OCA2: variants seen among roughly 807,000 people sequenced by gnomAD.
OCA2 encodes the protein OCA2 melanosomal transmembrane protein.
Under a neutral mutation model 100.2 loss-of-function variants are expected in OCA2, and 77 were observed. The observed-to-expected ratio is 0.77, with a 90% CI of 0.64 to 0.93. The LOEUF (loss-of-function observed/expected upper bound fraction) is 0.93. OCA2 is among the 40% of genes least tolerant of loss of function. The pLI, the probability that OCA2 is intolerant of heterozygous loss-of-function variation, is 0.00. For synonymous variants in OCA2, 432 were observed against 439.2 expected (o/e 0.98, Z 0.21); for missense variants, 1,062 against 1,089.1 (o/e 0.98, Z 0.35).
chr15:27,815,662 A>C (rs1400345665), intron 23 of OCA2, among the ~76,000 whole-genome samples: 1 of 152,232 alleles, frequency 6.6e-6, no homozygotes, highest in African/African-American at 2.4e-5. Flanking sequence ...CGCGTGAAAT[A>C]AACAATGACC....
At chr15:27,871,776 CT>C in intron 20 of OCA2, 86 bp downstream of exon 20, 1 of 976,910 alleles carries the variant, frequency 1.0e-6, no homozygotes. Context: ...GGGACCTGTT[CT>C]TACCAGAGTG....
intron 21 of OCA2, among the ~76,000 whole-genome samples, chr15:27,869,930 A>G (rs1036377812): frequency 1.3e-5 from 2 of 152,222 alleles, no homozygotes; most frequent in African/African-American, 4.8e-5. Flanking sequence ...GAGTTCTCCA[A>G]TTTGGAACTT....
At chr15:27,796,541 T>C (rs1414716289) in intron 23 of OCA2, among the ~76,000 whole-genome samples, 1 of 151,870 alleles carries the variant, frequency 6.6e-6, no homozygotes, top group East Asian at 1.9e-4. Flanking sequence ...GCAGGGCAGG[T>C]GCTCAGTGTG....
intron 19 of OCA2, among the ~76,000 whole-genome samples, chr15:27,888,090 T>C (rs1296309897): frequency 6.6e-6 from 1 of 152,104 alleles, no homozygotes; most frequent in Non-Finnish European, 1.5e-5. Flanking sequence ...CACTTAGCCA[T>C]GGAAGCCTCT....
chr15:28,029,273 A>G (rs1191836672), intron 3 of OCA2, among the ~76,000 whole-genome samples: 1 of 152,252 alleles, frequency 6.6e-6, no homozygotes, highest in Admixed American at 6.5e-5. Flanking sequence ...GTGTATAACC[A>G]ATGTGTAACA....
intron 9 of OCA2, among the ~76,000 whole-genome samples, chr15:28,000,678 C>T (rs2041898457): frequency 6.6e-6 from 1 of 152,092 alleles, no homozygotes; most frequent in Admixed American, 6.5e-5. Flanking sequence ...GAAAAGACAA[C>T]CTACAGACTC....
At chr15:28,034,711 A>C (rs1369950048) in intron 2 of OCA2, among the ~76,000 whole-genome samples, 1 of 152,058 alleles carries the variant, frequency 6.6e-6, no homozygotes, top group Non-Finnish European at 1.5e-5. Context: ...TGAGAGGTCA[A>C]ACCTTCAATG....
chr15:27,812,003 T>C (rs1378121194), intron 23 of OCA2, among the ~76,000 whole-genome samples: 2 of 152,202 alleles, frequency 1.3e-5, no homozygotes, highest in African/African-American at 4.8e-5. Context: ...AAACCACTTT[T>C]TAAAAAATGA....
intron 2 of OCA2, among the ~76,000 whole-genome samples, chr15:28,052,176 A>G (rs1321665374): frequency 6.6e-6 from 1 of 152,092 alleles, no homozygotes; most frequent in East Asian, 1.9e-4. Context: ...CTGTCCCTGC[A>G]TTTCACTAAA....
chr15:27,986,618 T>C lies in OCA2; in HGVS notation c.1208A>G (p.Glu403Gly), dbSNP rs771308386. The C allele has an allele frequency of 2.8e-5, 44 of 1,595,338 alleles. No homozygotes were observed. The South Asian group carries it at 4.5e-4, about 16-fold the overall frequency. Residue 403 changes from glutamate (E) to glycine (G), a missense_variant, in exon 12 of 24, where the codon GAA becomes GGA. Glu to Gly is a moderately conservative substitution (Grantham distance 98, BLOSUM62 -2). Transcript: ENST00000354638. ...AGCACAATAATCGAAAAATCCCGTTTCTGAAAATATGGCTACTAAGATCAT... is the reference window on the plus strand; with the variant it reads ...AGCACAATAATCGAAAAATCCCGTTCCTGAAAATATGGCTACTAAGATCAT... ...GMMILVAIFS[E>G]TGFFDYCAVK... is the part of the protein sequence containing the mutation.
intron 19 of OCA2, among the ~76,000 whole-genome samples, chr15:27,921,379 T>C (rs2038854187): frequency 6.6e-6 from 1 of 152,070 alleles, no homozygotes; most frequent in Admixed American, 6.5e-5. Context: ...AAAGACAAAA[T>C]AAAGGCATTC....
At chr15:28,059,970 A>G (rs371642356) in intron 2 of OCA2, among the ~76,000 whole-genome samples, 3 of 152,342 alleles carry the variant, frequency 2.0e-5, no homozygotes, top group African/African-American at 7.2e-5. Context: ...CCACCCAAGG[A>G]GCAGCACACA....
At chr15:27,925,577 A>G (rs2039013743) in intron 19 of OCA2, among the ~76,000 whole-genome samples, 1 of 152,218 alleles carries the variant, frequency 6.6e-6, no homozygotes, top group Non-Finnish European at 1.5e-5. Context: ...AAATGCAAAG[A>G]AGTGGTGCTG....
intron 19 of OCA2, among the ~76,000 whole-genome samples, chr15:27,889,991 T>C (rs1231668079): frequency 6.6e-6 from 1 of 152,154 alleles, no homozygotes; most frequent in Non-Finnish European, 1.5e-5. Flanking sequence ...TACCAGCATT[T>C]GGGGTCTGAT....
intron 23 of OCA2, among the ~76,000 whole-genome samples, chr15:27,769,693 A>T (rs931222818): frequency 5.3e-5 from 8 of 152,264 alleles, no homozygotes; most frequent in Non-Finnish European, 1.2e-4. Flanking sequence ...TTTTAAACAA[A>T]AAGCCATTTG....
chr15:28,097,465 C>T (rs1414919534), intron 1 of OCA2, among the ~76,000 whole-genome samples: 1 of 152,206 alleles, frequency 6.6e-6, no homozygotes, highest in Non-Finnish European at 1.5e-5. Flanking sequence ...TCAGCCCCTG[C>T]CCCAGATCCT....
At chr15:27,939,543 A>T (rs888685600) in intron 18 of OCA2, among the ~76,000 whole-genome samples, 1 of 152,242 alleles carries the variant, frequency 6.6e-6, no homozygotes, top group Non-Finnish European at 1.5e-5. Context: ...TCATATGCTC[A>T]TTTATTCATT....
At chr15:27,748,188 G>A in the OCA2 span, among the ~76,000 whole-genome samples, 7 of 152,172 alleles carry the variant, frequency 4.6e-5, no homozygotes, top group Non-Finnish European at 8.8e-5. Flanking sequence ...CTTCCCATCA[G>A]TGAGCCTGAT....
At chr15:28,038,975 G>A (rs565620144) in intron 2 of OCA2, among the ~76,000 whole-genome samples, 1 of 152,208 alleles carries the variant, frequency 6.6e-6, no homozygotes, top group Admixed American at 6.5e-5. Context: ...AAAGTGAAAG[G>A]ATGAGAAAAG....
Sources: allele counts gnomAD v4.1 joint callset (sites outside exome capture counted in the v4.1 genomes callset), GRCh38; gene constraint gnomAD v4.1.1; transcripts MANE v1.5; gene names NCBI Gene and HGNC (gene_info 2026-07-23, HGNC 2026-07-21).